Variants in GABRB1 observed in about 807,000 individuals in gnomAD.
The protein encoded by GABRB1 is gamma-aminobutyric acid receptor subunit beta-1.
A neutral mutation model predicts 51.6 loss-of-function variants in GABRB1; 17 were observed. The ratio of observed to expected loss-of-function variants is 0.33; its 90% confidence interval spans 0.23 to 0.49. The LOEUF is 0.49. Among genes scored for constraint, GABRB1 ranks in the 20% least tolerant of loss-of-function variants. The pLI, the probability that GABRB1 is intolerant of heterozygous loss-of-function variation, is 0.99. For synonymous variants in GABRB1, 247 were observed against 218.9 expected (o/e 1.13, Z -1.14); for missense variants, 410 against 600.6 (o/e 0.68, Z 3.32).
chr4:47,185,967 T>C (rs1719161622), intron 4 of GABRB1, among the ~76,000 whole-genome samples: 1 of 151,810 alleles, frequency 6.6e-6, no homozygotes, highest in African/African-American at 2.4e-5. Flanking sequence ...AGGAGTACCA[T>C]GCGTGGCTAT....
chr4:47,185,395 G>T (rs1291237508), intron 4 of GABRB1, among the ~76,000 whole-genome samples: 1 of 151,728 alleles, frequency 6.6e-6, no homozygotes, highest in African/African-American at 2.4e-5. Context: ...ACTGCTTCTT[G>T]TAAGATTGTT....
intron 4 of GABRB1, among the ~76,000 whole-genome samples, chr4:47,238,704 C>T (rs753646250): frequency 7.9e-5 from 12 of 151,878 alleles, no homozygotes; most frequent in East Asian, 1.9e-4. Flanking sequence ...TCCTAAGTGT[C>T]GAAAAGTTTT....
chr4:47,405,613 A>G (rs73234531), intron 7 of GABRB1, among the ~76,000 whole-genome samples: 2,353 of 152,280 alleles, frequency 0.015, 35 homozygotes, highest in Non-Finnish European at 0.025. Flanking sequence ...AGAATAACAT[A>G]CAGTCCCTAT....
At chr4:47,000,154 A>C (rs1724135207) in intron 1 of GABRB1, among the ~76,000 whole-genome samples, 1 of 152,174 alleles carries the variant, frequency 6.6e-6, no homozygotes, top group Non-Finnish European at 1.5e-5. Context: ...TAATGATAAT[A>C]CCTTCAGCCA....
Position 47,261,919 on chromosome 4 carries a change from G to C in GABRB1, c.462-58208G>C, listed in dbSNP as rs1261586045. ...CTACAACTATCTGATCTTTGACAAA[G>C]CTGAGAAAAACAAGCAATGGGGAAA... On this transcript the variant is annotated intron_variant, in intron 4 of 8. Coordinates refer to ENST00000295454, the MANE Select transcript of GABRB1 (RefSeq NM_000812.4). Among the ~76,000 whole-genome samples the C allele has an allele frequency of 2.4e-4, 36 of 151,864 alleles. No individual in the cohort carries two copies. In the East Asian group the frequency reaches 4.8e-3, roughly 20 times the overall value.
chr4:47,388,601 A>T (rs1727879091), intron 5 of GABRB1, among the ~76,000 whole-genome samples: 1 of 152,236 alleles, frequency 6.6e-6, no homozygotes, highest in Non-Finnish European at 1.5e-5. Flanking sequence ...GAGTGGCTCC[A>T]TAACAAGGGC....
chr4:47,187,475 A>G (rs1719227957), intron 4 of GABRB1, among the ~76,000 whole-genome samples: 1 of 151,862 alleles, frequency 6.6e-6, no homozygotes, highest in Non-Finnish European at 1.5e-5. Context: ...GGGATCACAG[A>G]TCTTTCTGAC....
chr4:47,313,077 C>T (rs1724763157), intron 4 of GABRB1, among the ~76,000 whole-genome samples: 1 of 152,056 alleles, frequency 6.6e-6, no homozygotes, highest in East Asian at 1.9e-4. Flanking sequence ...ATCATGAGAC[C>T]ATAGTTTCTA....
At chr4:47,298,110 T>G (rs1309232094) in intron 4 of GABRB1, among the ~76,000 whole-genome samples, 1 of 152,118 alleles carries the variant, frequency 6.6e-6, no homozygotes, top group Non-Finnish European at 1.5e-5. Context: ...AAGAGCTATC[T>G]ATGACAAACC....
chr4:47,067,131 T>C (rs1727123073), intron 3 of GABRB1, among the ~76,000 whole-genome samples: 1 of 152,072 alleles, frequency 6.6e-6, no homozygotes, highest in African/African-American at 2.4e-5. Context: ...GAAAGGATTC[T>C]TTTTTTTCTG....
At chr4:47,123,205 T>A (rs28407060) in intron 3 of GABRB1, among the ~76,000 whole-genome samples, 1,874 of 149,450 alleles carry the variant, frequency 0.013, 33 homozygotes, top group African/African-American at 0.044. Context: ...TTACAAAAGG[T>A]ACTATTCTGG....
chr4:47,282,169 C>T (rs1723315445), intron 4 of GABRB1, among the ~76,000 whole-genome samples: 1 of 152,172 alleles, frequency 6.6e-6, no homozygotes, highest in Non-Finnish European at 1.5e-5. Flanking sequence ...AATTATTTGT[C>T]AGTTAAAAAT....
intron 3 of GABRB1, among the ~76,000 whole-genome samples, chr4:47,048,801 C>T (rs779845081): frequency 7.2e-5 from 11 of 152,178 alleles, no homozygotes; most frequent in Non-Finnish European, 1.3e-4. Context: ...AGACTTCTAA[C>T]CCCCTTTCTC....
intron 5 of GABRB1, among the ~76,000 whole-genome samples, chr4:47,348,818 C>A (rs1384509681): frequency 4.6e-5 from 7 of 152,094 alleles, no homozygotes; most frequent in Admixed American, 4.6e-4. Flanking sequence ...TAAAGAAAAC[C>A]ATTGTGAAGA....
At chr4:47,352,394 G>C (rs1053393099) in intron 5 of GABRB1, among the ~76,000 whole-genome samples, 1 of 152,136 alleles carries the variant, frequency 6.6e-6, no homozygotes, top group Non-Finnish European at 1.5e-5. Context: ...GAAAAAGAGA[G>C]AATCCTCCCG....
chr4:47,395,369 C>A (rs1257162863), intron 5 of GABRB1, among the ~76,000 whole-genome samples: 2 of 152,148 alleles, frequency 1.3e-5, no homozygotes, highest in African/African-American at 4.8e-5. Context: ...GTGCCACACA[C>A]ACATTTTTAA....
At chr4:47,230,796 T>C (rs1283368396) in intron 4 of GABRB1, among the ~76,000 whole-genome samples, 1 of 152,152 alleles carries the variant, frequency 6.6e-6, no homozygotes, top group African/African-American at 2.4e-5. Flanking sequence ...GGAACCCATC[T>C]TGAGGATTTG....
At chr4:47,251,622 G>GGCT (rs1429572621) in intron 4 of GABRB1, among the ~76,000 whole-genome samples, 1 of 152,130 alleles carries the variant, frequency 6.6e-6, no homozygotes, top group African/African-American at 2.4e-5. Context: ...GTCTTGCTGT[G>GGCT]GCTGCTGCGG....
At chr4:47,362,004 G>A (rs1726826729) in intron 5 of GABRB1, among the ~76,000 whole-genome samples, 1 of 152,110 alleles carries the variant, frequency 6.6e-6, no homozygotes, top group Admixed American at 6.6e-5. Context: ...TGAGAAAATG[G>A]AAAATGAATG....
Sources: gnomAD v4.1 joint callset for allele counts (sites outside exome capture counted in the v4.1 genomes callset) on GRCh38, gnomAD v4.1.1 for gene constraint, MANE v1.5 for transcripts, NCBI Gene and HGNC (gene_info 2026-07-23, HGNC 2026-07-21) for gene names.